Variants in CAMK2B observed in about 807,000 individuals in gnomAD.
CAMK2B encodes calcium/calmodulin dependent protein kinase II beta, also known as calcium/calmodulin-dependent protein kinase type II subunit beta.
In CAMK2B, 27 loss-of-function variants were observed where a neutral mutation model predicts 93.7. That is an observed-to-expected ratio of 0.29 (90% CI 0.21 to 0.40). CAMK2B has a LOEUF of 0.40. Among genes scored for constraint, CAMK2B ranks in the 10% least tolerant of loss-of-function variants. The pLI is 1.00. For missense variants in CAMK2B, 568 were observed against 895.8 expected (o/e 0.63, Z 4.67); for synonymous variants, 374 against 358.8 (o/e 1.04, Z -0.48).
intron 4 of CAMK2B, among the ~76,000 whole-genome samples, chr7:44,256,363 CTG>C (rs933898457): frequency 2.0e-5 from 3 of 152,070 alleles, no homozygotes; most frequent in East Asian, 1.9e-4. Flanking sequence ...GCATGTGTGT[CTG>C]TGTGTCTGTA....
intron 1 of CAMK2B, among the ~76,000 whole-genome samples, chr7:44,315,441 C>G (rs4294091): frequency 0.55 from 83,074 of 152,008 alleles, 23,149 homozygotes; most frequent in East Asian, 0.88. Context: ...ATGTATTTAT[C>G]CTTATGTCAA....
intron 2 of CAMK2B, among the ~76,000 whole-genome samples, chr7:44,276,249 G>T (rs1388626487): frequency 6.6e-6 from 1 of 152,106 alleles, no homozygotes; most frequent in Non-Finnish European, 1.5e-5. Flanking sequence ...TGCCACAGGC[G>T]CATGCTCAGC....
At chr7:44,266,240 A>G (rs1269821830) in intron 2 of CAMK2B, among the ~76,000 whole-genome samples, 3 of 152,172 alleles carry the variant, frequency 2.0e-5, no homozygotes, top group Non-Finnish European at 2.9e-5. Flanking sequence ...GAGGGGGCAC[A>G]AGGAAGAGGC....
rs1213792001 is a variant in CAMK2B at position 44,225,850 on chromosome 7, C to G, written c.1597+666G>C. ...ACACCACCCCCAGTCTGGTGTCTCC[C>G]CACAGGTGGGGGTGGCAGCAGCCCT... On this transcript the variant is annotated intron_variant, in intron 20 of 23. Transcript: ENST00000395749. This position sits in a 1 kb window ranked among gnomAD's most constrained non-coding sequence, Gnocchi z 5.0. 7.8e-7 allele frequency: 1 copy of G among 1,289,448 alleles called. No homozygotes were observed. The highest frequency in any genetic ancestry group is 1.2e-5 in the South Asian group (1 of 81,026). 79.9% of individuals were successfully genotyped at this position (1,289,448 alleles called of 1,614,324 possible).
At chr7:44,287,964 G>A (rs1785592580) in intron 1 of CAMK2B, among the ~76,000 whole-genome samples, 2 of 152,214 alleles carry the variant, frequency 1.3e-5, no homozygotes, top group Admixed American at 1.3e-4. Flanking sequence ...CACAGTGCCT[G>A]GGCTGTGATA....
At chr7:44,320,399 G>A (rs1262314311) in intron 1 of CAMK2B, among the ~76,000 whole-genome samples, 1 of 152,188 alleles carries the variant, frequency 6.6e-6, no homozygotes, top group Non-Finnish European at 1.5e-5. Flanking sequence ...AGGGTAATGA[G>A]CTTCTGAGAG....
At chr7:44,284,602 C>T (rs1784574516) in intron 1 of CAMK2B, among the ~76,000 whole-genome samples, 1 of 152,220 alleles carries the variant, frequency 6.6e-6, no homozygotes, top group South Asian at 2.1e-4. Flanking sequence ...GACCAAGAGT[C>T]CATGTCCACA....
intron 5 of CAMK2B, among the ~76,000 whole-genome samples, chr7:44,249,567 C>G (rs1021733737): frequency 6.6e-6 from 1 of 152,178 alleles, no homozygotes; most frequent in Admixed American, 6.5e-5. Context: ...CACTTTCCCC[C>G]AGCCCATCCC....
chr7:44,220,511 G>A, intron 22 of CAMK2B, 105 bp downstream of exon 22: 2 of 1,046,878 alleles, frequency 1.9e-6, no homozygotes, highest in South Asian at 1.6e-5. Flanking sequence ...TGGGCACAGA[G>A]GGGACAGGGC....
intron 1 of CAMK2B, among the ~76,000 whole-genome samples, chr7:44,294,906 T>C (rs937983328): frequency 2.0e-5 from 3 of 152,160 alleles, no homozygotes; most frequent in Non-Finnish European, 2.9e-5. Context: ...CAGATGCTGA[T>C]GGTGTATCCT....
chr7:44,313,091 C>G (rs1267713922), intron 1 of CAMK2B, among the ~76,000 whole-genome samples: 2 of 152,144 alleles, frequency 1.3e-5, no homozygotes, highest in Admixed American at 1.3e-4. Context: ...CACTTTCTCA[C>G]TAGCCACTGG....
intron 11 of CAMK2B, among the ~76,000 whole-genome samples, 171 bp from the exon 12 acceptor site, chr7:44,240,920 C>A (rs1274965797): frequency 2.6e-5 from 4 of 152,164 alleles, no homozygotes; most frequent in Non-Finnish European, 5.9e-5. Flanking sequence ...AGCAGCCGCA[C>A]TGAGACAGAT....
chr7:44,276,424 G>GC (rs1266366933), intron 2 of CAMK2B, among the ~76,000 whole-genome samples: 328 of 152,042 alleles, frequency 2.2e-3, no homozygotes, highest in African/African-American at 6.2e-3. Flanking sequence ...CCCGGAGGCA[G>GC]CACCCCCCCG....
intron 3 of CAMK2B, among the ~76,000 whole-genome samples, chr7:44,261,905 C>T (rs1449085992): frequency 6.6e-6 from 1 of 152,184 alleles, no homozygotes; most frequent in Non-Finnish European, 1.5e-5. Context: ...GGTTGGTGGG[C>T]AGCGGCAAAT....
intron 22 of CAMK2B, 43 bp downstream of exon 22, chr7:44,220,572 TG>T: frequency 6.6e-7 from 1 of 1,511,528 alleles, no homozygotes; most frequent in Non-Finnish European, 9.1e-7. Flanking sequence ...GAGGCTCTCC[TG>T]GGGGCACCGC....
intron 2 of CAMK2B, 59 bp downstream of exon 2, chr7:44,284,072 C>T: frequency 7.7e-7 from 1 of 1,298,800 alleles, no homozygotes; most frequent in South Asian, 1.2e-5. Context: ...CAGGGCACGG[C>T]CTCCAAAGCC....
intron 1 of CAMK2B, among the ~76,000 whole-genome samples, chr7:44,299,098 T>G (rs754555878): frequency 7.9e-5 from 12 of 152,176 alleles, no homozygotes; most frequent in Non-Finnish European, 1.6e-4. Context: ...TATACAATAT[T>G]CATAGCAGCA....
chr7:44,289,559 A>T (rs1017712694), intron 1 of CAMK2B, among the ~76,000 whole-genome samples: 3 of 152,184 alleles, frequency 2.0e-5, no homozygotes, highest in African/African-American at 4.8e-5. Flanking sequence ...CCGTGTGGTC[A>T]CGCAGACCTT....
intron 2 of CAMK2B, among the ~76,000 whole-genome samples, chr7:44,270,082 C>A (rs10282034): frequency 2.6e-5 from 4 of 151,838 alleles, no homozygotes; most frequent in South Asian, 2.1e-4. Context: ...GTACCCCCCC[C>A]CCATTCCAGG....
Sources: allele counts gnomAD v4.1 joint callset (sites outside exome capture counted in the v4.1 genomes callset), GRCh38; gene constraint gnomAD v4.1.1; non-coding constraint Gnocchi (gnomAD v3.1); transcripts MANE v1.5; gene names NCBI Gene and HGNC (gene_info 2026-07-23, HGNC 2026-07-21).